RAB38: variants seen among roughly 807,000 people sequenced by gnomAD.
RAB38 encodes the protein ras-related protein Rab-38.
RAB38 carries 15 observed loss-of-function variants against 18.4 expected under a neutral mutation model. The observed-to-expected ratio is 0.82, with a 90% CI of 0.55 to 1.26. RAB38 has a LOEUF of 1.26. Ranked by LOEUF, RAB38 falls within the 50% of genes most tolerant of loss-of-function variation. The pLI, the probability that RAB38 is intolerant of heterozygous loss-of-function variation, is 0.00. For missense variants in RAB38, 294 were observed against 267.4 expected, an observed-to-expected ratio of 1.10 and a Z score of -0.69; for synonymous variants, 101 against 104.4, an observed-to-expected ratio of 0.97 and a Z score of 0.20.
chr11:87,874,591 A>G, the RAB38 span, among the ~76,000 whole-genome samples: 3 of 151,336 alleles, frequency 2.0e-5, no homozygotes, highest in African/African-American at 7.3e-5. Context: ...TGGCATATGT[A>G]TACATATGTA....
chr11:87,810,756 G>A, the RAB38 span, among the ~76,000 whole-genome samples: 1 of 151,624 alleles, frequency 6.6e-6, no homozygotes. Flanking sequence ...TGTAAATAGG[G>A]TCATACACCT....
At chr11:88,019,488 C>T in the RAB38 span, among the ~76,000 whole-genome samples, 174 of 152,308 alleles carry the variant, frequency 1.1e-3, 1 homozygote, top group South Asian at 3.5e-3. Flanking sequence ...CTGTTTCCAC[C>T]TTTTCTCCTT....
the RAB38 span, among the ~76,000 whole-genome samples, chr11:88,046,076 A>G: frequency 1.4e-4 from 22 of 151,802 alleles, no homozygotes; most frequent in Non-Finnish European, 2.4e-4. Flanking sequence ...ACCTTAACCC[A>G]CAAGTATAGG....
the RAB38 span, among the ~76,000 whole-genome samples, chr11:88,042,123 C>T: frequency 6.6e-6 from 1 of 152,054 alleles, no homozygotes; most frequent in South Asian, 2.1e-4. Flanking sequence ...ACTGTAAACT[C>T]AACTCCTTCC....
At chr11:87,808,888 TA>T in the RAB38 span, among the ~76,000 whole-genome samples, 13 of 152,142 alleles carry the variant, frequency 8.5e-5, no homozygotes, top group African/African-American at 2.6e-4. Context: ...TGGGTAAAAA[TA>T]AAGGTATCAA....
chr11:87,879,264 T>G, the RAB38 span, among the ~76,000 whole-genome samples: 1 of 151,692 alleles, frequency 6.6e-6, no homozygotes, highest in African/African-American at 2.4e-5. Context: ...AAATATTTTC[T>G]TATGTGTTTA....
chr11:87,851,800 A>T, the RAB38 span, among the ~76,000 whole-genome samples: 1 of 152,136 alleles, frequency 6.6e-6, no homozygotes, highest in South Asian at 2.1e-4. Flanking sequence ...CTGAGCTCTG[A>T]AATTCACTGA....
At chr11:87,962,589 T>C in the RAB38 span, among the ~76,000 whole-genome samples, 32 of 152,056 alleles carry the variant, frequency 2.1e-4, no homozygotes, top group Non-Finnish European at 3.7e-4. Context: ...GTTTCTCTCT[T>C]AGAAAAGAAA....
chr11:88,036,260 A>T, the RAB38 span, among the ~76,000 whole-genome samples: 1 of 152,320 alleles, frequency 6.6e-6, no homozygotes, highest in South Asian at 2.1e-4. Flanking sequence ...AAAGACATAG[A>T]TTCAGTTATA....
the RAB38 span, among the ~76,000 whole-genome samples, chr11:87,912,847 A>T: frequency 1.7e-4 from 16 of 92,136 alleles, 1 homozygote; most frequent in South Asian, 4.0e-3. Flanking sequence ...ATTTTTCTTT[A>T]TCTGCTACTT....
At chr11:88,033,814 G>T in the RAB38 span, among the ~76,000 whole-genome samples, 1 of 136,058 alleles carries the variant, frequency 7.3e-6, no homozygotes, top group Non-Finnish European at 1.5e-5. Flanking sequence ...TGCAAGCTCC[G>T]CCTCCCGGGT....
At chr11:87,927,814 C>T in the RAB38 span, among the ~76,000 whole-genome samples, 1 of 151,984 alleles carries the variant, frequency 6.6e-6, no homozygotes. Flanking sequence ...TGCCTATAAT[C>T]CCAGCACTTT....
At chr11:88,053,524 GT>G in the RAB38 span, among the ~76,000 whole-genome samples, 176 of 148,042 alleles carry the variant, frequency 1.2e-3, 2 homozygotes, top group Non-Finnish European at 1.8e-3. Flanking sequence ...TTCTGTTCAT[GT>G]CCTGGAAAAT....
the RAB38 span, among the ~76,000 whole-genome samples, chr11:87,963,717 G>A: frequency 1.3e-5 from 2 of 151,320 alleles, no homozygotes; most frequent in South Asian, 2.1e-4. Context: ...TATGGTCTCG[G>A]CTCCCTGCAA....
chr11:87,827,292 T>A, the RAB38 span, among the ~76,000 whole-genome samples: 2 of 152,014 alleles, frequency 1.3e-5, no homozygotes, highest in Admixed American at 1.3e-4. Context: ...TTATTTTTAT[T>A]ATTTTTTTTT....
chr11:88,099,298 T>G, the RAB38 span, among the ~76,000 whole-genome samples: 1 of 151,898 alleles, frequency 6.6e-6, no homozygotes, highest in Non-Finnish European at 1.5e-5. Flanking sequence ...TGGCTTATCA[T>G]TAAATATTTA....
At chr11:88,030,296 A>T in the RAB38 span, among the ~76,000 whole-genome samples, 1 of 152,144 alleles carries the variant, frequency 6.6e-6, no homozygotes, top group Non-Finnish European at 1.5e-5. Context: ...AAAATTGTCA[A>T]CCTAACATCA....
the RAB38 span, among the ~76,000 whole-genome samples, chr11:87,904,563 G>C: frequency 6.6e-6 from 1 of 151,650 alleles, no homozygotes; most frequent in Admixed American, 6.6e-5. Flanking sequence ...ATGAGTGCAT[G>C]TATCTCTTTG....
At chr11:88,121,218 C>G (rs903643885) in intron 2 of RAB38, among the ~76,000 whole-genome samples, 1 of 152,146 alleles carries the variant, frequency 6.6e-6, no homozygotes, top group Non-Finnish European at 1.5e-5. Context: ...TCCTTGAAAA[C>G]AAGGATTATC....
Sources: allele counts gnomAD v4.1 joint callset (sites outside exome capture counted in the v4.1 genomes callset), GRCh38; gene constraint gnomAD v4.1.1; transcripts MANE v1.5; gene names NCBI Gene and HGNC (gene_info 2026-07-23, HGNC 2026-07-21).